Variants in RNF13 observed in about 807,000 individuals in gnomAD.
RNF13 encodes the protein E3 ubiquitin-protein ligase RNF13.
A neutral mutation model predicts 37.7 loss-of-function variants in RNF13; 19 were observed. That is an observed-to-expected ratio of 0.50 (90% CI 0.35 to 0.74). RNF13 has a LOEUF of 0.74. Ranked by LOEUF, RNF13 falls within the 30% of genes least tolerant of loss-of-function variation. RNF13 has a pLI of 0.01. For missense variants in RNF13, 375 were observed against 453.0 expected (o/e 0.83, Z 1.56); for synonymous variants, 144 against 157.8 (o/e 0.91, Z 0.65).
intron 1 of RNF13, among the ~76,000 whole-genome samples, chr3:149,829,881 G>A (rs141974211): frequency 4.8e-4 from 73 of 152,238 alleles, no homozygotes; most frequent in Non-Finnish European, 8.8e-4. Flanking sequence ...CATGGGGGTG[G>A]TTTTTTCTGT....
intron 2 of RNF13, among the ~76,000 whole-genome samples, chr3:149,849,434 T>C (rs1045380424): frequency 3.3e-5 from 5 of 152,152 alleles, no homozygotes; most frequent in African/African-American, 1.2e-4. Flanking sequence ...ATGGATTGGA[T>C]TATATAGCAT....
chr3:149,913,370 G>A (rs192833088), intron 7 of RNF13, among the ~76,000 whole-genome samples: 1 of 152,226 alleles, frequency 6.6e-6, no homozygotes, highest in Admixed American at 6.5e-5. Context: ...ATAATGTTAA[G>A]ATTTACAGAA....
intron 1 of RNF13, among the ~76,000 whole-genome samples, chr3:149,824,742 C>G (rs1229470995): frequency 6.7e-6 from 1 of 149,894 alleles, no homozygotes; most frequent in Admixed American, 6.6e-5. Context: ...ATGATTATGT[C>G]TAGTTAATGT....
In RNF13 at chr3:149,878,010, A is replaced by G. The variant is rs527643895; in HGVS notation, c.321+5856A>G. Among the ~76,000 whole-genome samples the G allele has an allele frequency of 4.2e-4, 64 of 152,330 alleles. 2 individuals are homozygous for G. The South Asian group carries it at 0.013, about 30-fold the overall frequency. The stretch of plus-strand genomic sequence containing the variant: ...CAAAGCAAAATTCCCTTCTTTTACC[A>G]GGAAGGTAATCTTTCATGAAAGAAA... On this transcript the variant is annotated intron_variant, in intron 4 of 9. Transcript: ENST00000392894.
Position 149,813,225 on chromosome 3 carries a change from TGTC to T in RNF13, c.-141_-139del, listed in dbSNP as rs981102206. On this transcript the variant is annotated 5_prime_UTR_variant, in exon 1 of 10. Coordinates refer to ENST00000392894, the MANE Select transcript of RNF13 (RefSeq NM_183381.3). The stretch of plus-strand genomic sequence containing the variant: ...CGGGACTTCCGCTTCGCCTAGGTGT[TGTC>T]GTCCCTGCTAGTACTCCGGGCTGTG... The T allele has an allele frequency of 3.3e-5, 5 of 152,402 alleles. No homozygotes were observed. Among genetic ancestry groups the T allele is most frequent in the African/African-American group, 7.2e-5 (3 of 41,412 alleles). The allele number at this position is 152,402 out of a possible 1,614,324, so 9.4% of individuals were successfully genotyped here.
At chr3:149,891,955 A>G (rs191727674) in intron 4 of RNF13, among the ~76,000 whole-genome samples, 1 of 152,312 alleles carries the variant, frequency 6.6e-6, no homozygotes, top group Admixed American at 6.5e-5. Context: ...ATAAACATGG[A>G]TGTATTTTCC....
chr3:149,926,351 A>G (rs974225369), intron 8 of RNF13, among the ~76,000 whole-genome samples: 1 of 152,114 alleles, frequency 6.6e-6, no homozygotes, highest in African/African-American at 2.4e-5. Flanking sequence ...AGCTGGGACT[A>G]CAGGCGCCCG....
intron 4 of RNF13, 50 bp from the exon 5 acceptor site, chr3:149,895,423 C>A: frequency 8.9e-7 from 1 of 1,125,144 alleles, no homozygotes; most frequent in Non-Finnish European, 1.3e-6. Flanking sequence ...AAAAGACAAA[C>A]CACTGTCTTC....
chr3:149,959,071 C>G (rs1251766313), intron 8 of RNF13, among the ~76,000 whole-genome samples: 1 of 152,134 alleles, frequency 6.6e-6, no homozygotes, highest in African/African-American at 2.4e-5. Flanking sequence ...AGGTTGTTAC[C>G]CCGTGTGGGA....
intron 2 of RNF13, among the ~76,000 whole-genome samples, chr3:149,849,407 A>C (rs937258030): frequency 7.2e-5 from 11 of 152,158 alleles, no homozygotes; most frequent in Middle Eastern, 3.2e-3. Flanking sequence ...AGAAACACCC[A>C]ATGGGTGGTG....
chr3:149,914,767 G>T (rs780526343), intron 7 of RNF13, among the ~76,000 whole-genome samples: 2 of 151,818 alleles, frequency 1.3e-5, no homozygotes, highest in South Asian at 2.1e-4. Flanking sequence ...GTGAAACCGC[G>T]TCTCTACTAA....
At chr3:149,946,086 A>G (rs1720747134) in intron 8 of RNF13, among the ~76,000 whole-genome samples, 1 of 152,236 alleles carries the variant, frequency 6.6e-6, no homozygotes, top group Admixed American at 6.5e-5. Flanking sequence ...TGACAAGTTG[A>G]GAGAAGAAGG....
rs550080375 is a variant in RNF13, at chr3:149,932,443, C to A, written c.700+11216C>A. ...AAAAATCCAAAGTCTAAAGTCTTAT[C>A]TGAGACTCAAGACACATTTCTTTCC... On this transcript the variant is annotated intron_variant, in intron 8 of 9. Coordinates refer to ENST00000392894, the MANE Select transcript of RNF13 (RefSeq NM_183381.3). 2.6e-5 allele frequency among the ~76,000 whole-genome samples: 4 copies of A among 152,270 alleles called. No homozygotes were observed. In the South Asian group the frequency reaches 8.3e-4, roughly 32 times the overall value.
intron 3 of RNF13, among the ~76,000 whole-genome samples, chr3:149,868,313 AT>A (rs557548510): frequency 1.3e-5 from 2 of 150,480 alleles, no homozygotes; most frequent in East Asian, 1.9e-4. Context: ...ACCTTCAACT[AT>A]TTTTTTTTAA....
At chr3:149,860,615 C>G (rs1470445270) in intron 3 of RNF13, among the ~76,000 whole-genome samples, 1 of 151,866 alleles carries the variant, frequency 6.6e-6, no homozygotes, top group Non-Finnish European at 1.5e-5. Context: ...ATACAAAAAT[C>G]AACTCAAGAT....
chr3:149,847,319 G>A (rs1722740330), intron 2 of RNF13, among the ~76,000 whole-genome samples: 1 of 152,118 alleles, frequency 6.6e-6, no homozygotes, highest in Admixed American at 6.5e-5. Flanking sequence ...CTAGGTCTGT[G>A]CTAAGGATTT....
chr3:149,895,999 A>G (rs1288401377), intron 5 of RNF13, among the ~76,000 whole-genome samples: 2 of 152,106 alleles, frequency 1.3e-5, no homozygotes, highest in Admixed American at 6.5e-5. Context: ...TTCGTCATAC[A>G]TTGGTATGTT....
At chr3:149,859,768 G>A (rs1238143616) in intron 3 of RNF13, among the ~76,000 whole-genome samples, 3 of 152,120 alleles carry the variant, frequency 2.0e-5, no homozygotes, top group Admixed American at 2.0e-4. Context: ...TCATGGAGTA[G>A]AACTGGTATA....
chr3:149,872,070 C>T lies in RNF13; in HGVS notation c.237C>T (p.Pro79=), dbSNP rs1288129174. 6.2e-7 allele frequency: 1 copy of T among 1,607,714 alleles called. No homozygotes were observed. The highest frequency in any genetic ancestry group is 1.1e-5 in the South Asian group (1 of 89,842). ...INSKPENACE[P]IVPPPVKDNS... ...CAAAACCAGAGAATGCCTGTGAACC[C>T]ATAGTGCCTCCACCAGTAAAAGACA... The change falls in exon 4 of 10, where the codon CCC becomes CCT. Residue 79 remains proline, a synonymous_variant. Transcript: ENST00000392894.
Sources: allele counts gnomAD v4.1 joint callset (sites outside exome capture counted in the v4.1 genomes callset), GRCh38; gene constraint gnomAD v4.1.1; transcripts MANE v1.5; gene names NCBI Gene and HGNC (gene_info 2026-07-23, HGNC 2026-07-21).